NUCKS1: variants seen among roughly 807,000 people sequenced by gnomAD.
The protein encoded by NUCKS1 is nuclear casein kinase and cyclin dependent kinase substrate 1.
In NUCKS1, 2 loss-of-function variants were observed where a neutral mutation model predicts 33.0. The observed-to-expected ratio is 0.06, with a 90% CI of 0.02 to 0.19. NUCKS1 has a LOEUF of 0.19. Ranked by LOEUF, NUCKS1 falls within the 10% of genes least tolerant of loss-of-function variation. NUCKS1 has a pLI of 1.00. For synonymous variants in NUCKS1, 106 were observed against 102.8 expected (o/e 1.03, Z -0.19); for missense variants, 201 against 293.6 (o/e 0.68, Z 2.31).
chr1:205,749,474 G>A (rs1415139848), intron 1 of NUCKS1, among the ~76,000 whole-genome samples: 1 of 152,122 alleles, frequency 6.6e-6, no homozygotes, highest in Non-Finnish European at 1.5e-5. Context: ...GCTACAGAGA[G>A]GGCTCAGGGC....
intron 1 of NUCKS1, among the ~76,000 whole-genome samples, chr1:205,736,922 C>A (rs1239489749): frequency 2.0e-5 from 3 of 151,930 alleles, no homozygotes. Flanking sequence ...TATCTAGTTC[C>A]ACCTCCTGGG....
chr1:205,733,733 T>C (rs975179513), intron 1 of NUCKS1, among the ~76,000 whole-genome samples: 8 of 152,160 alleles, frequency 5.3e-5, no homozygotes, highest in Middle Eastern at 3.2e-3. Flanking sequence ...ATGATCACAA[T>C]ACTGTTTTTC....
intron 1 of NUCKS1, among the ~76,000 whole-genome samples, chr1:205,746,423 TTAA>T (rs1654326688): frequency 6.7e-6 from 1 of 148,404 alleles, no homozygotes; most frequent in African/African-American, 2.5e-5. Flanking sequence ...AGATCCAAGG[TTAA>T]TAAACTCACT....
At chr1:205,720,710 T>C (rs1356185132) in intron 4 of NUCKS1, 57 bp from the exon 5 acceptor site, 14 of 1,497,506 alleles carry the variant, frequency 9.3e-6, no homozygotes, top group East Asian at 2.3e-5. Context: ...TTTGACAAGA[T>C]AGTGCAAAAG....
chr1:205,742,077 G>A (rs1654190092), intron 1 of NUCKS1, among the ~76,000 whole-genome samples: 1 of 152,242 alleles, frequency 6.6e-6, no homozygotes, highest in Non-Finnish European at 1.5e-5. Context: ...ACAAGCAGCT[G>A]TATGTTATCC....
chr1:205,739,713 T>C (rs746906028), intron 1 of NUCKS1, among the ~76,000 whole-genome samples: 24 of 152,098 alleles, frequency 1.6e-4, no homozygotes, highest in Non-Finnish European at 2.8e-4. Flanking sequence ...CCTCAGCCTC[T>C]TAAGTAGCTG....
chr1:205,717,625 C>G lies in NUCKS1; in HGVS notation c.*655G>C. 1.0e-6 allele frequency: 1 copy of G among 985,126 alleles called. No individual in the cohort carries two copies. The highest frequency in any genetic ancestry group is 1.2e-6 in the Non-Finnish European group (1 of 829,928). 61.0% of individuals were successfully genotyped at this position (985,126 alleles called of 1,614,324 possible). A position where few individuals can be genotyped will look rare whatever the true frequency, so the allele number is the denominator to read the frequency against. ...TACCCTCAAATAAGGTCAGGTAACC[C>G]CATTGCCCACCCTCCCTACAAGGTA... On this transcript the variant is annotated 3_prime_UTR_variant, in exon 7 of 7. Transcript: ENST00000367142.
Position 205,726,278 on chromosome 1 carries a change from C to T in NUCKS1, c.173+1422G>A, listed in dbSNP as rs118098655. Among the ~76,000 whole-genome samples the T allele has an allele frequency of 1.6e-3, 249 of 152,218 alleles. 2 individuals carry two copies. Among genetic ancestry groups the T allele is most frequent in the African/African-American group, 5.5e-3 (229 of 41,548 alleles). On this transcript the variant is annotated intron_variant, in intron 3 of 6. Transcript: ENST00000367142. ...ACACTGTAATCCCTGCACTTTGGGA[C>T]GCTGAGATGGGAGGATCGCTTGAGC...
chr1:205,720,400 C>T, intron 5 of NUCKS1, 101 bp downstream of exon 5: 1 of 1,166,220 alleles, frequency 8.6e-7, no homozygotes, highest in South Asian at 1.5e-5. Context: ...ATTTAAGGGA[C>T]TGGTTGTAAC....
At chr1:205,746,759 T>C (rs1654342652) in intron 1 of NUCKS1, among the ~76,000 whole-genome samples, 1 of 152,150 alleles carries the variant, frequency 6.6e-6, no homozygotes, top group Admixed American at 6.5e-5. Context: ...TGACAAACAA[T>C]AAAATAAATT....
intron 2 of NUCKS1, among the ~76,000 whole-genome samples, chr1:205,729,157 T>A (rs1158739727): frequency 6.6e-6 from 1 of 152,128 alleles, no homozygotes; most frequent in Non-Finnish European, 1.5e-5. Flanking sequence ...TTAGCAGAGA[T>A]GGGGTTTCAC....
chr1:205,726,970 G>GT (rs367711068), intron 3 of NUCKS1, among the ~76,000 whole-genome samples: 11 of 150,566 alleles, frequency 7.3e-5, no homozygotes, highest in African/African-American at 1.5e-4. Context: ...TCTTGTTGTT[G>GT]TTTTTTTTTC....
rs1653840940 is a variant in NUCKS1, at chr1:205,728,907, G to A, written c.67+665C>T. Among the ~76,000 whole-genome samples, 3 of 151,968 alleles carry A rather than the reference G, an allele frequency of 2.0e-5. No individual in the cohort carries two copies. In the South Asian group the frequency reaches 6.2e-4, roughly 32 times the overall value. On this transcript the variant is annotated intron_variant, in intron 2 of 6. Coordinates refer to ENST00000367142, the MANE Select transcript of NUCKS1 (RefSeq NM_022731.5). ...CACAAGTTTTATTGTAGTAACAGCA[G>A]GAGATTTTTTTTCCCCTGCAAAGTG...
At chr1:205,731,584 G>A (rs1230008519) in intron 1 of NUCKS1, among the ~76,000 whole-genome samples, 1 of 152,250 alleles carries the variant, frequency 6.6e-6, no homozygotes, top group East Asian at 1.9e-4. Flanking sequence ...AATTGATCAA[G>A]TGAACTTAAA....
intron 1 of NUCKS1, 45 bp downstream of exon 1, chr1:205,749,912 C>T (rs761737004): frequency 6.3e-6 from 10 of 1,588,738 alleles, no homozygotes; most frequent in African/African-American, 5.4e-5. Context: ...ACCACTCGCC[C>T]CCATCCCCCT....
In NUCKS1 at chr1:205,750,048, A is replaced by ACCCCCCCCC; in HGVS notation, c.-76_-75insGGGGGGGGG. 1.1e-6 allele frequency: 1 copy of ACCCCCCCCC among 870,120 alleles called. No homozygotes were observed. Among genetic ancestry groups the ACCCCCCCCC allele is most frequent in the Admixed American group, 3.8e-5 (1 of 26,458 alleles). 53.9% of individuals were successfully genotyped at this position (870,120 alleles called of 1,614,324 possible). A position where few individuals can be genotyped will look rare whatever the true frequency, so the allele number is the denominator to read the frequency against. ...CCCCACCCCGCGCGCTCGGCGCCCC[A>ACCCCCCCCC]CCCCCCCCGAACTTCAGCCGATGGG... is the stretch of plus-strand genomic sequence containing the variant. On this transcript the variant is annotated 5_prime_UTR_variant, in exon 1 of 7. Transcript: ENST00000367142.
At chr1:205,735,771 G>C (rs2102442074) in intron 1 of NUCKS1, among the ~76,000 whole-genome samples, 1 of 152,250 alleles carries the variant, frequency 6.6e-6, no homozygotes, top group South Asian at 2.1e-4. Context: ...GTATTAACTT[G>C]TTCCACCCAG....
At chr1:205,730,469 T>C (rs1653881022) in intron 1 of NUCKS1, among the ~76,000 whole-genome samples, 2 of 152,202 alleles carry the variant, frequency 1.3e-5, no homozygotes, top group African/African-American at 2.4e-5. Flanking sequence ...TCAGTGATAA[T>C]TCAAATACCA....
intron 1 of NUCKS1, among the ~76,000 whole-genome samples, chr1:205,749,243 T>C (rs1010328925): frequency 1.3e-5 from 2 of 152,200 alleles, no homozygotes; most frequent in Non-Finnish European, 2.9e-5. Flanking sequence ...GAGCGAACTT[T>C]GGGGTTAACT....
Sources: allele counts gnomAD v4.1 joint callset (sites outside exome capture counted in the v4.1 genomes callset), GRCh38; gene constraint gnomAD v4.1.1; transcripts MANE v1.5; gene names NCBI Gene and HGNC (gene_info 2026-07-23, HGNC 2026-07-21).